Variants in BDH2 observed in about 807,000 individuals in gnomAD.
The protein encoded by BDH2 is dehydrogenase/reductase SDR family member 6.
In BDH2, 24 loss-of-function variants were observed where a neutral mutation model predicts 33.2. The observed-to-expected ratio is 0.72, with a 90% CI of 0.52 to 1.02. BDH2 has a LOEUF of 1.02. BDH2 is among the 50% of genes least tolerant of loss of function. The pLI, the probability that BDH2 is intolerant of heterozygous loss-of-function variation, is 0.00. For synonymous variants in BDH2, 81 were observed against 101.6 expected, an observed-to-expected ratio of 0.80 and a Z score of 1.22; for missense variants, 249 against 301.6, an observed-to-expected ratio of 0.83 and a Z score of 1.29.
intron 3 of BDH2, among the ~76,000 whole-genome samples, chr4:103,094,620 AAATT>A (rs1748275128): frequency 1.3e-5 from 2 of 152,148 alleles, no homozygotes; most frequent in African/African-American, 4.8e-5. Flanking sequence ...AAAGAGGAGA[AAATT>A]AATGTTTGAA....
At position 103,092,588 on chromosome 4, in the gene BDH2, G is replaced by T. The variant is rs986887754; in HGVS notation, c.248+12C>A. ...TCTGTAAGGAAAGTGAAACTAAAAA[G>T]TTATGAATTACCCAGCAACATTAAA... is the stretch of plus-strand genomic sequence containing the variant. On this transcript the variant is annotated intron_variant, in intron 4 of 9. Transcript: ENST00000296424. 1.3e-6 allele frequency: 2 copies of T among 1,575,800 alleles called. No individual in the cohort carries two copies. Among genetic ancestry groups the T allele is most frequent in the Non-Finnish European group, 1.7e-6 (2 of 1,150,460 alleles).
At chr4:103,093,743 TTATC>T (rs1421978388) in intron 3 of BDH2, among the ~76,000 whole-genome samples, 2 of 147,556 alleles carry the variant, frequency 1.4e-5, no homozygotes, top group East Asian at 1.9e-4. Context: ...TAATATATAA[TTATC>T]TATAATGTGT....
intron 1 of BDH2, chr4:103,099,012 T>C (rs1748531433): frequency 6.6e-6 from 1 of 152,192 alleles, no homozygotes; most frequent in African/African-American, 2.4e-5. Context: ...TTTTACTTCT[T>C]ACACAAAAGA....
chr4:103,091,150 T>A, intron 5 of BDH2, 27 bp downstream of exon 5: 1 of 1,467,466 alleles, frequency 6.8e-7, no homozygotes, highest in East Asian at 2.3e-5. Context: ...GTGGTGCTTA[T>A]CCTGGTGGTG....
At chr4:103,091,936 T>C (rs2125809062) in intron 4 of BDH2, among the ~76,000 whole-genome samples, 1 of 152,318 alleles carries the variant, frequency 6.6e-6, no homozygotes, top group East Asian at 1.9e-4. Flanking sequence ...TACTGAGAGA[T>C]GTTAGTTTGT....
At chr4:103,086,008 T>C in intron 6 of BDH2, 1 of 1,153,518 alleles carries the variant, frequency 8.7e-7, no homozygotes, top group Non-Finnish European at 1.1e-6. Context: ...ACTGTCTTTG[T>C]GAAGCATTCC....
At chr4:103,096,938 T>C (rs1344608318) in intron 1 of BDH2, among the ~76,000 whole-genome samples, 1 of 152,212 alleles carries the variant, frequency 6.6e-6, no homozygotes, top group Non-Finnish European at 1.5e-5. Context: ...ACTCTCTCCA[T>C]GACCCCTGCA....
At chr4:103,088,354 C>T (rs961923218) in intron 5 of BDH2, among the ~76,000 whole-genome samples, 7 of 152,142 alleles carry the variant, frequency 4.6e-5, no homozygotes, top group African/African-American at 1.7e-4. Context: ...ATCTCTAGTC[C>T]TCTCTAGAAA....
intron 9 of BDH2, 71 bp downstream of exon 9, chr4:103,082,010 T>A (rs1413857125): frequency 8.1e-7 from 1 of 1,239,736 alleles, no homozygotes; most frequent in Non-Finnish European, 1.2e-6. Flanking sequence ...TAAAATGATA[T>A]TATTTTGATG....
chr4:103,095,341 T>A (rs2125812006), intron 2 of BDH2, 60 bp from the exon 3 acceptor site: 1 of 1,219,776 alleles, frequency 8.2e-7, no homozygotes, highest in Non-Finnish European at 1.2e-6. Context: ...TGCTCATGAA[T>A]GGAACATCAT....
chr4:103,090,213 A>T (rs1264842713), intron 5 of BDH2, among the ~76,000 whole-genome samples: 1 of 152,202 alleles, frequency 6.6e-6, no homozygotes, highest in East Asian at 1.9e-4. Flanking sequence ...ACTGTCTGCT[A>T]CTACTGGTTT....
At chr4:103,091,099 A>G in intron 5 of BDH2, 78 bp downstream of exon 5, 1 of 819,828 alleles carries the variant, frequency 1.2e-6, no homozygotes, top group Non-Finnish European at 2.1e-6. Context: ...TCTTCAGCAC[A>G]TGTGGGAATC....
At position 103,091,191 on chromosome 4, in the gene BDH2, C is replaced by T. The variant is rs1748066406; in HGVS notation, c.343G>A (p.Ala115Thr). The T allele has an allele frequency of 6.2e-7, 1 of 1,611,256 alleles. No homozygotes were observed. Among genetic ancestry groups the T allele is most frequent in the Admixed American group, 1.7e-5 (1 of 60,004 alleles). ...GGTGGTCTTACTTTAGGAAGGAATGCCTTGATCATCAGGTACATGCTGCGC... is the reference window on the plus strand; with the variant it reads ...GGTGGTCTTACTTTAGGAAGGAATGTCTTGATCATCAGGTACATGCTGCGC... ...NVRSMYLMIK[A>T]FLPKMLAQKS... Residue 115 changes from alanine (A) to threonine (T), a missense_variant, in exon 5 of 10, where the codon GCA becomes ACA. Transcript: ENST00000296424.
rs1748158890 is a variant in BDH2, at chr4:103,092,601, C to T, written c.247G>A (p.Gly83Ser). ...TGAAACTAAAAAGTTATGAATTACC[C>T]AGCAACATTAAAGAGAACATCAAGT... Reference protein sequence around the residue: ...ERLDVLFNVAGFVHHGTVLDC... With the variant: ...ERLDVLFNVASFVHHGTVLDC... Residue 83 changes from glycine to serine, a missense_variant and splice_region_variant, in exon 4 of 10, where the codon GGT (glycine) becomes AGT (serine). By Grantham distance (56) the Gly-to-Ser change is moderately conservative (BLOSUM62 0). Coordinates refer to ENST00000296424, the MANE Select transcript of BDH2 (RefSeq NM_020139.4). The T allele has an allele frequency of 4.4e-6, 7 of 1,600,604 alleles. No homozygotes were observed. Among genetic ancestry groups the T allele is most frequent in the South Asian group, 1.1e-5 (1 of 90,474 alleles).
At chr4:103,086,428 TTAA>T (rs1747783532) in intron 6 of BDH2, 49 bp downstream of exon 6, 2 of 1,588,048 alleles carry the variant, frequency 1.3e-6, no homozygotes, top group Admixed American at 3.7e-5. Context: ...CGCAGAGCTC[TTAA>T]TGATGTGCGT....
chr4:103,077,888 C>T lies in BDH2; in HGVS notation c.*1814G>A, dbSNP rs1448965451. Among the ~76,000 whole-genome samples the T allele has an allele frequency of 2.0e-5, 3 of 152,116 alleles. No homozygotes were observed. The highest frequency in any genetic ancestry group is 1.3e-4 in the Admixed American group (2 of 15,276). On this transcript the variant is annotated 3_prime_UTR_variant, in exon 10 of 10. Coordinates refer to ENST00000296424, the MANE Select transcript of BDH2 (RefSeq NM_020139.4). ...TCACAAACCAAAGTTAGCCATAATT[C>T]GGTAGTGTAGTGCCCGGTCCAAAAC...
At chr4:103,091,925 A>G (rs1287529680) in intron 4 of BDH2, among the ~76,000 whole-genome samples, 2 of 152,226 alleles carry the variant, frequency 1.3e-5, no homozygotes, top group Non-Finnish European at 2.9e-5. Context: ...GTGTTCTAAC[A>G]TACTGAGAGA....
At chr4:103,089,747 C>A (rs1166498886) in intron 5 of BDH2, among the ~76,000 whole-genome samples, 3 of 152,236 alleles carry the variant, frequency 2.0e-5, no homozygotes, top group Non-Finnish European at 2.9e-5. Context: ...ACCCCTGTAA[C>A]CTATGCAAAG....
chr4:103,095,210 C>A lies in BDH2; in HGVS notation c.144G>T (p.Lys48Asn), dbSNP rs769100161. Reference sequence around the variant, plus strand: ...AGCTGCTGAGTTGCTTACCCGGGTACTTTTCCAGTTCCTGAAGTTTGGACT... The same window carrying A: ...AGCTGCTGAGTTGCTTACCCGGGTAATTTTCCAGTTCCTGAAGTTTGGACT... ...INESKLQELE[K>N]YPGIQTRVLD... The change falls in exon 3 of 10, where the codon AAG (lysine) becomes AAT (asparagine). Residue 48 changes from lysine (K) to asparagine (N), a missense_variant. Coordinates refer to ENST00000296424, the MANE Select transcript of BDH2 (RefSeq NM_020139.4). 31 of 1,613,578 alleles carry A rather than the reference C, an allele frequency of 1.9e-5. No individual in the cohort carries two copies. Among genetic ancestry groups the A allele is most frequent in the Non-Finnish European group, 2.5e-5 (30 of 1,179,664 alleles).
Sources: allele counts gnomAD v4.1 joint callset (sites outside exome capture counted in the v4.1 genomes callset), GRCh38; gene constraint gnomAD v4.1.1; transcripts MANE v1.5; gene names NCBI Gene and HGNC (gene_info 2026-07-23, HGNC 2026-07-21).